MPPED2: variants seen among roughly 807,000 people sequenced by gnomAD.
The protein encoded by MPPED2 is metallophosphoesterase domain containing 2.
A neutral mutation model predicts 33.0 loss-of-function variants in MPPED2; 5 were observed. The observed-to-expected ratio is 0.15, with a 90% CI of 0.08 to 0.32. The LOEUF is 0.32. Ranked by LOEUF, MPPED2 falls within the 10% of genes least tolerant of loss-of-function variation. The probability of loss-of-function intolerance (pLI) is 1.00; values close to 1 mark genes in which losing one functional copy is unlikely to be tolerated. For synonymous variants in MPPED2, 136 were observed against 141.9 expected (o/e 0.96, Z 0.29); for missense variants, 275 against 372.1 (o/e 0.74, Z 2.15).
rs1241202202 is a variant in MPPED2 at position 30,411,137 on chromosome 11, C to G, written c.*331G>C. On this transcript the variant is annotated 3_prime_UTR_variant, in exon 7 of 7. Transcript: ENST00000358117. Reference sequence around the variant, plus strand: ...CACTGCCTGTTTCTTATTTTTTTTTCTTTCAGCTTAAAGCATATTAAAATA... The same window carrying G: ...CACTGCCTGTTTCTTATTTTTTTTTGTTTCAGCTTAAAGCATATTAAAATA... The G allele has an allele frequency of 1.0e-6, 1 of 996,474 alleles. No individual in the cohort carries two copies. Among genetic ancestry groups the G allele is most frequent in the Non-Finnish European group, 1.2e-6 (1 of 837,212 alleles). 61.7% of individuals were successfully genotyped at this position (996,474 alleles called of 1,614,324 possible). A position where few individuals can be genotyped will look rare whatever the true frequency, so the allele number is the denominator to read the frequency against.
intron 3 of MPPED2, among the ~76,000 whole-genome samples, chr11:30,516,140 T>C (rs1201130213): frequency 2.6e-5 from 4 of 152,154 alleles, no homozygotes; most frequent in Non-Finnish European, 5.9e-5. Flanking sequence ...ACAAAGTGCT[T>C]CAGGGAGCCA....
intron 4 of MPPED2, among the ~76,000 whole-genome samples, chr11:30,441,580 C>T (rs1310926832): frequency 6.6e-6 from 1 of 152,194 alleles, no homozygotes; most frequent in Non-Finnish European, 1.5e-5. Flanking sequence ...AGATGCCCCC[C>T]TATTCCAGGA....
In MPPED2 at chr11:30,576,792, G is replaced by A. The variant is rs35174597; in HGVS notation, c.128+3454C>T. 7.3e-3 allele frequency among the ~76,000 whole-genome samples: 1,110 copies of A among 151,926 alleles called. 15 individuals carry two copies. Among genetic ancestry groups the A allele is most frequent in the African/African-American group, 0.024 (1,011 of 41,400 alleles). On this transcript the variant is annotated intron_variant, in intron 2 of 6. Coordinates refer to ENST00000358117, the MANE Select transcript of MPPED2 (RefSeq NM_001584.3). The stretch of plus-strand genomic sequence containing the variant: ...AGTATGCTCAAGAGTCTGGGTAAGT[G>A]AGGCACACAAATTCTAGGTTAAATT...
intron 4 of MPPED2, among the ~76,000 whole-genome samples, chr11:30,494,239 C>T (rs1413809888): frequency 6.6e-6 from 1 of 151,964 alleles, no homozygotes; most frequent in Non-Finnish European, 1.5e-5. Flanking sequence ...GCTTCCAGTA[C>T]AAAATGAGAG....
chr11:30,417,425 T>TG (rs1948419248), intron 5 of MPPED2, 93 bp downstream of exon 5: 2 of 601,106 alleles, frequency 3.3e-6, no homozygotes, highest in South Asian at 2.5e-5. Flanking sequence ...TTTTTTTTTT[T>TG]TGGAGGAAAA....
chr11:30,439,335 C>A (rs1469944324), intron 4 of MPPED2, among the ~76,000 whole-genome samples: 3 of 152,122 alleles, frequency 2.0e-5, no homozygotes, highest in Non-Finnish European at 2.9e-5. Flanking sequence ...GCTAGTTTTA[C>A]TCCACTTAGG....
At chr11:30,479,052 C>T (rs558747413) in intron 4 of MPPED2, among the ~76,000 whole-genome samples, 1 of 152,046 alleles carries the variant, frequency 6.6e-6, no homozygotes, top group South Asian at 2.1e-4. Flanking sequence ...TGTCAAGGGC[C>T]GTGGGACATT....
chr11:30,549,951 A>G (rs1269934154), intron 2 of MPPED2, among the ~76,000 whole-genome samples: 1 of 152,152 alleles, frequency 6.6e-6, no homozygotes, highest in African/African-American at 2.4e-5. Context: ...GGGCATGTTA[A>G]GTTCAAATCA....
At chr11:30,515,284 G>A (rs995453896) in intron 3 of MPPED2, among the ~76,000 whole-genome samples, 11 of 152,176 alleles carry the variant, frequency 7.2e-5, no homozygotes, top group African/African-American at 2.2e-4. Flanking sequence ...CCCCAATCCC[G>A]GCAATCCATT....
chr11:30,522,665 C>A (rs1229713123), intron 3 of MPPED2, among the ~76,000 whole-genome samples: 1 of 152,210 alleles, frequency 6.6e-6, no homozygotes, highest in East Asian at 1.9e-4. Flanking sequence ...TCCACTTTCA[C>A]CTCTCTAGGC....
intron 2 of MPPED2, among the ~76,000 whole-genome samples, chr11:30,555,097 A>G (rs941289732): frequency 6.6e-6 from 1 of 152,094 alleles, no homozygotes; most frequent in Non-Finnish European, 1.5e-5. Context: ...TCAACTACAA[A>G]TTATTTTCCT....
intron 2 of MPPED2, among the ~76,000 whole-genome samples, chr11:30,562,185 C>A (rs1165590451): frequency 6.6e-6 from 1 of 152,174 alleles, no homozygotes; most frequent in African/African-American, 2.4e-5. Flanking sequence ...CATATGGCCA[C>A]ATACTTCTCA....
Position 30,400,983 on chromosome 11 carries a change from G to C in MPPED2, c.767-12027C>G, listed in dbSNP as rs140598768. Among the ~76,000 whole-genome samples, 4 of 152,224 alleles carry C rather than the reference G, an allele frequency of 2.6e-5. No homozygotes were observed. In the East Asian group the frequency reaches 5.8e-4, roughly 22 times the overall value. ...AAGGTCTTGCCAGGTTGCCCAGGCTGGTCTAGAATTCCTGAGCTCAAGTGA... is the reference window on the plus strand; with the variant it reads ...AAGGTCTTGCCAGGTTGCCCAGGCTCGTCTAGAATTCCTGAGCTCAAGTGA... On this transcript the variant is annotated intron_variant, in intron 6 of 6. Transcript: ENST00000448418.
At chr11:30,402,389 C>T (rs1947920640) in intron 6 of MPPED2, among the ~76,000 whole-genome samples, 1 of 152,150 alleles carries the variant, frequency 6.6e-6, no homozygotes. Flanking sequence ...GTAACATCCT[C>T]ACAAAAGTCT....
downstream of MPPED2, among the ~76,000 whole-genome samples, chr11:30,408,675 T>C: frequency 6.6e-6 from 1 of 152,198 alleles, no homozygotes; most frequent in East Asian, 1.9e-4. Context: ...TAAAAGGGCA[T>C]GGGCTATGGA....
intron 2 of MPPED2, among the ~76,000 whole-genome samples, chr11:30,548,815 A>G (rs1399349141): frequency 1.3e-5 from 2 of 152,140 alleles, no homozygotes; most frequent in Non-Finnish European, 2.9e-5. Context: ...CAAAGAGGTT[A>G]ATTCCCAGGG....
At chr11:30,580,888 G>A (rs1957135781) in intron 1 of MPPED2, among the ~76,000 whole-genome samples, 1 of 152,172 alleles carries the variant, frequency 6.6e-6, no homozygotes, top group African/African-American at 2.4e-5. Flanking sequence ...CAAAGTTGGT[G>A]TCACGTAATC....
chr11:30,428,431 T>C (rs2133830507), intron 4 of MPPED2, among the ~76,000 whole-genome samples: 1 of 152,290 alleles, frequency 6.6e-6, no homozygotes, highest in Non-Finnish European at 1.5e-5. Context: ...CCCAGCTACT[T>C]GAGAGGCTGA....
intron 4 of MPPED2, among the ~76,000 whole-genome samples, chr11:30,454,598 GA>G (rs1950202915): frequency 6.6e-6 from 1 of 151,676 alleles, no homozygotes; most frequent in Non-Finnish European, 1.5e-5. Context: ...TTTGATCCCT[GA>G]AACATAAAAA....
Sources: gnomAD v4.1 joint callset for allele counts (sites outside exome capture counted in the v4.1 genomes callset) on GRCh38, gnomAD v4.1.1 for gene constraint, MANE v1.5 for transcripts, NCBI Gene and HGNC (gene_info 2026-07-23, HGNC 2026-07-21) for gene names.